Variants in DOCK3 observed in about 807,000 individuals in gnomAD.
DOCK3 encodes the protein dedicator of cytokinesis 3, also known as dedicator of cytokinesis protein 3.
Under a neutral mutation model 265.6 loss-of-function variants are expected in DOCK3, and 60 were observed. That is an observed-to-expected ratio of 0.23 (90% CI 0.18 to 0.28). The LOEUF (loss-of-function observed/expected upper bound fraction) is 0.28, where lower values mean the gene tolerates loss of function less well. Among genes scored for constraint, DOCK3 ranks in the 10% least tolerant of loss-of-function variants. The pLI, the probability that DOCK3 is intolerant of heterozygous loss-of-function variation, is 1.00. For missense variants in DOCK3, 1,981 were observed against 2,594.3 expected (o/e 0.76, Z 5.14); for synonymous variants, 881 against 938.0 (o/e 0.94, Z 1.11).
chr3:51,045,022 G>A (rs764998547), intron 5 of DOCK3, among the ~76,000 whole-genome samples: 12 of 152,252 alleles, frequency 7.9e-5, no homozygotes, highest in Admixed American at 1.3e-4. Flanking sequence ...GTTCACTGGA[G>A]TAGCACTTTT....
At chr3:51,104,596 G>C (rs1414476482) in intron 9 of DOCK3, among the ~76,000 whole-genome samples, 1 of 152,164 alleles carries the variant, frequency 6.6e-6, no homozygotes, top group Non-Finnish European at 1.5e-5. Context: ...CAGTGATTAT[G>C]ATTGCCTCTG....
intron 1 of DOCK3, among the ~76,000 whole-genome samples, chr3:50,758,850 A>G (rs13095920): frequency 0.094 from 14,367 of 152,286 alleles, 838 homozygotes; most frequent in Non-Finnish European, 0.12. Context: ...AGGATCATCT[A>G]TAGTGGAATC....
chr3:50,774,541 A>T (rs1180397169), intron 1 of DOCK3, among the ~76,000 whole-genome samples: 4 of 151,842 alleles, frequency 2.6e-5, no homozygotes, highest in Non-Finnish European at 5.9e-5. Flanking sequence ...AAAAATATTC[A>T]CCTTGTATCT....
At chr3:51,247,821 A>T (rs1232111650) in intron 22 of DOCK3, among the ~76,000 whole-genome samples, 1 of 152,202 alleles carries the variant, frequency 6.6e-6, no homozygotes, top group Non-Finnish European at 1.5e-5. Flanking sequence ...GGAGGCACGA[A>T]CACAAGTGTA....
intron 1 of DOCK3, among the ~76,000 whole-genome samples, chr3:50,757,398 C>A (rs1307312897): frequency 2.0e-5 from 3 of 151,942 alleles, no homozygotes; most frequent in Non-Finnish European, 4.4e-5. Context: ...TCTTGAACTC[C>A]TGGTCTCAAG....
In DOCK3 at chr3:51,312,588, G is replaced by A. The variant is rs201253655; in HGVS notation, c.3194+12G>A. On this transcript the variant is annotated intron_variant, in intron 30 of 52. Coordinates refer to ENST00000266037, the MANE Select transcript of DOCK3 (RefSeq NM_004947.5). ...AAGATTCTAGATAAGTAAGATAAAC[G>A]TCTTATATTCATCTCCTTACCACTT... is the stretch of plus-strand genomic sequence containing the variant. 5.7e-5 allele frequency: 90 copies of A among 1,568,460 alleles called. No homozygotes were observed. The highest frequency in any genetic ancestry group is 7.2e-5 in the South Asian group (6 of 83,120).
intron 12 of DOCK3, among the ~76,000 whole-genome samples, chr3:51,175,773 G>C (rs1486699183): frequency 2.0e-5 from 3 of 152,178 alleles, no homozygotes; most frequent in Admixed American, 6.5e-5. Flanking sequence ...AGAAAAGAAG[G>C]TTCTGGTCTT....
intron 2 of DOCK3, among the ~76,000 whole-genome samples, chr3:50,829,545 T>C (rs558912228): frequency 2.6e-5 from 4 of 152,270 alleles, no homozygotes; most frequent in Admixed American, 6.5e-5. Context: ...CTTATTTCAA[T>C]GGAACTATCA....
intron 30 of DOCK3, 34 bp from the exon 31 acceptor site, chr3:51,312,810 C>T (rs763178890): frequency 2.5e-6 from 4 of 1,594,182 alleles, no homozygotes; most frequent in Middle Eastern, 1.7e-4. Flanking sequence ...AACCTTCTCC[C>T]ACTAACGGTT....
At chr3:51,339,243 T>C (rs894842559) in intron 37 of DOCK3, among the ~76,000 whole-genome samples, 8 of 152,240 alleles carry the variant, frequency 5.3e-5, no homozygotes, top group Admixed American at 1.3e-4. Flanking sequence ...CTTTGTGCCA[T>C]GTCATCCACT....
intron 14 of DOCK3, among the ~76,000 whole-genome samples, chr3:51,220,360 T>C (rs2090013721): frequency 6.6e-6 from 1 of 151,932 alleles, no homozygotes; most frequent in Non-Finnish European, 1.5e-5. Flanking sequence ...AATAATATAG[T>C]ATTAAATATT....
intron 43 of DOCK3, 42 bp from the exon 44 acceptor site, chr3:51,356,920 A>G: frequency 6.4e-7 from 1 of 1,569,552 alleles, no homozygotes; most frequent in Non-Finnish European, 8.6e-7. Flanking sequence ...ATGAGGGGTT[A>G]TCATCATTTC....
chr3:50,864,144 A>G (rs1050914945), intron 3 of DOCK3, among the ~76,000 whole-genome samples: 3 of 152,166 alleles, frequency 2.0e-5, no homozygotes, highest in African/African-American at 4.8e-5. Context: ...AGTAATAGCT[A>G]TTGTAACTAG....
intron 51 of DOCK3, among the ~76,000 whole-genome samples, chr3:51,378,473 G>A (rs1306905940): frequency 5.3e-5 from 8 of 152,160 alleles, no homozygotes; most frequent in Non-Finnish European, 1.2e-4. Context: ...TCTGTGTCTA[G>A]GCCAGGAAGA....
chr3:51,075,318 G>C (rs775143931), intron 6 of DOCK3, 38 bp from the exon 7 acceptor site: 1 of 1,548,090 alleles, frequency 6.5e-7, no homozygotes, highest in South Asian at 1.2e-5. Flanking sequence ...AGTAATCTGA[G>C]TACATGGCAT....
chr3:51,341,099 T>C (rs2085207531), intron 37 of DOCK3, 138 bp from the exon 38 acceptor site: 1 of 1,058,994 alleles, frequency 9.4e-7, no homozygotes, highest in South Asian at 1.8e-5. Context: ...TGTTTCATCT[T>C]TAGTATCCAG....
chr3:51,349,914 G>C (rs2085861667), intron 39 of DOCK3, among the ~76,000 whole-genome samples: 1 of 152,228 alleles, frequency 6.6e-6, no homozygotes, highest in African/African-American at 2.4e-5. Flanking sequence ...AACTGGTATA[G>C]TGAGTATTGG....
chr3:50,851,447 C>T (rs1471179701), intron 3 of DOCK3, among the ~76,000 whole-genome samples: 1 of 152,122 alleles, frequency 6.6e-6, no homozygotes, highest in Non-Finnish European at 1.5e-5. Flanking sequence ...TGGAGATCTT[C>T]CTGGGCGTGG....
chr3:50,737,264 GA>G (rs1471456298), intron 1 of DOCK3, among the ~76,000 whole-genome samples: 2 of 152,126 alleles, frequency 1.3e-5, no homozygotes, highest in African/African-American at 2.4e-5. Context: ...TTTTAGACAT[GA>G]AGCCCTTGCC....
Sources: allele counts gnomAD v4.1 joint callset (sites outside exome capture counted in the v4.1 genomes callset), GRCh38; gene constraint gnomAD v4.1.1; transcripts MANE v1.5; gene names NCBI Gene and HGNC (gene_info 2026-07-23, HGNC 2026-07-21).